DLG2: variants seen among roughly 807,000 people sequenced by gnomAD.
DLG2 encodes the protein discs large MAGUK scaffold protein 2.
Under a neutral mutation model 132.5 loss-of-function variants are expected in DLG2, and 45 were observed. The ratio of observed to expected loss-of-function variants is 0.34; its 90% CI spans 0.27 to 0.44. The LOEUF (loss-of-function observed/expected upper bound fraction) is 0.44, where lower values mean the gene tolerates loss of function less well. Among genes scored for constraint, DLG2 ranks in the 20% least tolerant of loss-of-function variants. DLG2 has a pLI of 1.00. For missense variants in DLG2, 1,045 were observed against 1,196.9 expected, an observed-to-expected ratio of 0.87 and a Z score of 1.87; for synonymous variants, 424 against 419.6, an observed-to-expected ratio of 1.01 and a Z score of -0.13.
Position 84,609,140 on chromosome 11 carries a change from G to A in DLG2, c.358-74409C>T, listed in dbSNP as rs557960164. ...TGTCTCTGGGAGGCAATGCATTGGA[G>A]TGGTTTAGAATGCTGACTCAAGAGC... On this transcript the variant is annotated intron_variant, in intron 6 of 27. Coordinates refer to ENST00000376104, the MANE Select transcript of DLG2 (RefSeq NM_001142699.3). Among the ~76,000 whole-genome samples the A allele has an allele frequency of 2.6e-5, 4 of 152,264 alleles. No individual in the cohort carries two copies. The South Asian group carries it at 8.3e-4, about 32-fold the overall frequency.
intron 18 of DLG2, chr11:83,647,485 C>T (rs906571873): frequency 6.6e-6 from 1 of 152,110 alleles, no homozygotes; most frequent in African/African-American, 2.4e-5. Flanking sequence ...AAACTTCTAA[C>T]TCATCTTTGT....
At chr11:83,978,412 G>A (rs1352622396) in intron 12 of DLG2, among the ~76,000 whole-genome samples, 2 of 151,982 alleles carry the variant, frequency 1.3e-5, no homozygotes, top group African/African-American at 4.8e-5. Flanking sequence ...GTAGAATATG[G>A]TTATCACAAT....
At chr11:84,169,339 T>C (rs1029108258) in intron 8 of DLG2, among the ~76,000 whole-genome samples, 4 of 152,200 alleles carry the variant, frequency 2.6e-5, no homozygotes, top group Non-Finnish European at 5.9e-5. Flanking sequence ...ATGATAGCTA[T>C]TATTATTAGT....
At chr11:85,231,313 T>G (rs1186267309) in intron 4 of DLG2, among the ~76,000 whole-genome samples, 2 of 151,976 alleles carry the variant, frequency 1.3e-5, no homozygotes, top group Non-Finnish European at 2.9e-5. Context: ...TGATATTTTC[T>G]TCTGCAGCAT....
At chr11:83,581,266 A>G (rs2096970378) in intron 19 of DLG2, among the ~76,000 whole-genome samples, 1 of 152,124 alleles carries the variant, frequency 6.6e-6, no homozygotes, top group Non-Finnish European at 1.5e-5. Context: ...AATCACCTGG[A>G]ATAAAATTAT....
intron 2 of DLG2, among the ~76,000 whole-genome samples, chr11:85,601,132 T>A (rs1264530206): frequency 6.6e-6 from 1 of 152,126 alleles, no homozygotes; most frequent in Non-Finnish European, 1.5e-5. Context: ...TTGATGACTG[T>A]TGAGTATTTA....
chr11:84,183,282 A>G (rs2096190658), intron 8 of DLG2, among the ~76,000 whole-genome samples: 1 of 152,214 alleles, frequency 6.6e-6, no homozygotes, highest in Admixed American at 6.5e-5. Context: ...AGTGAACTAT[A>G]CTGTTAACTA....
chr11:85,282,764 T>C (rs1317300178), intron 4 of DLG2, among the ~76,000 whole-genome samples: 2 of 151,980 alleles, frequency 1.3e-5, no homozygotes, highest in African/African-American at 4.8e-5. Context: ...TTTATGTTCT[T>C]TCGTAATGAC....
Position 83,670,398 on chromosome 11 carries a change from A to G in DLG2, c.1826-37073T>C, listed in dbSNP as rs1335234674. ...GACATACAGAAAAAAAAAACCCATC[A>G]CTGGTGACTCTATATATGGAGTCTC... On this transcript the variant is annotated intron_variant, in intron 18 of 27. Coordinates refer to ENST00000376104, the MANE Select transcript of DLG2 (RefSeq NM_001142699.3). Among the ~76,000 whole-genome samples, 10 of 151,802 alleles carry G rather than the reference A, an allele frequency of 6.6e-5. No individual in the cohort carries two copies. The East Asian group carries it at 1.5e-3, about 23-fold the overall frequency.
intron 21 of DLG2, among the ~76,000 whole-genome samples, chr11:83,520,588 C>T (rs1220672933): frequency 6.6e-6 from 1 of 151,320 alleles, no homozygotes; most frequent in Non-Finnish European, 1.5e-5. Flanking sequence ...AGTAGGTAGG[C>T]AGGTAGATAG....
chr11:84,914,806 C>G (rs1189182265), intron 6 of DLG2, among the ~76,000 whole-genome samples: 1 of 152,180 alleles, frequency 6.6e-6, no homozygotes, highest in Non-Finnish European at 1.5e-5. Flanking sequence ...CCAGTCCTTT[C>G]ACATGTAAAA....
chr11:83,603,060 GTGTA>G (rs1415341805), intron 19 of DLG2, among the ~76,000 whole-genome samples: 1 of 151,994 alleles, frequency 6.6e-6, no homozygotes, highest in Non-Finnish European at 1.5e-5. Context: ...GTGTATGTGT[GTGTA>G]TGTGTGTTCG....
chr11:83,825,821 C>T (rs2052583688), intron 17 of DLG2, among the ~76,000 whole-genome samples: 1 of 152,136 alleles, frequency 6.6e-6, no homozygotes, highest in African/African-American at 2.4e-5. Context: ...CTCTGGCTCC[C>T]TAGAAGTCCC....
At position 84,059,427 on chromosome 11, in the gene DLG2, A is replaced by G. The variant is rs2096555966; in HGVS notation, c.807T>C (p.Ser269=). The G allele has an allele frequency of 1.9e-6, 3 of 1,613,138 alleles. No homozygotes were observed. Among genetic ancestry groups the G allele is most frequent in the African/African-American group, 2.7e-5 (2 of 74,836 alleles). Residue 269 remains serine (S), a synonymous_variant, in exon 11 of 28, where the codon AGT becomes AGC. Transcript: ENST00000376104. The part of the protein sequence containing the change: ...NEVDVSEVSH[S]KAVEALKEAG... Reference sequence around the variant, plus strand: ...CTTCCTTCAGGGCTTCCACCGCTTTACTGTGGGAAACCTCTGACACATCAA... The same window carrying G: ...CTTCCTTCAGGGCTTCCACCGCTTTGCTGTGGGAAACCTCTGACACATCAA...
At chr11:83,924,320 G>A (rs1380932520) in intron 15 of DLG2, among the ~76,000 whole-genome samples, 3 of 152,178 alleles carry the variant, frequency 2.0e-5, no homozygotes, top group South Asian at 4.1e-4. Context: ...AAGAAAGCTT[G>A]CCAAAGATAA....
At chr11:84,828,754 C>T (rs1440574354) in intron 6 of DLG2, among the ~76,000 whole-genome samples, 1 of 151,762 alleles carries the variant, frequency 6.6e-6, no homozygotes, top group Non-Finnish European at 1.5e-5. Context: ...TAGCCCAGTA[C>T]ATAATCTCAG....
rs377446543 is a variant in DLG2 at position 84,797,215 on chromosome 11, G to C, written c.358-262484C>G. 2.6e-5 allele frequency among the ~76,000 whole-genome samples: 4 copies of C among 151,944 alleles called. No individual in the cohort carries two copies. The East Asian group carries it at 5.8e-4, about 22-fold the overall frequency. On this transcript the variant is annotated intron_variant, in intron 6 of 27. Transcript: ENST00000376104. ...AAATGTCTTGAGGTAGTCTTCTTTG[G>C]GTTAAATCTGCTTGGTATTCTGTAA...
At chr11:84,744,415 T>C (rs938480906) in intron 6 of DLG2, among the ~76,000 whole-genome samples, 2 of 152,168 alleles carry the variant, frequency 1.3e-5, no homozygotes, top group African/African-American at 4.8e-5. Context: ...GTGGCAAATT[T>C]CTGCATGAAA....
At chr11:84,966,225 T>C (rs1190129858) in intron 6 of DLG2, among the ~76,000 whole-genome samples, 1 of 152,112 alleles carries the variant, frequency 6.6e-6, no homozygotes, top group African/African-American at 2.4e-5. Context: ...TATCTGTCTG[T>C]CTGTTTGTAT....
Sources: allele counts gnomAD v4.1 joint callset (sites outside exome capture counted in the v4.1 genomes callset), GRCh38; gene constraint gnomAD v4.1.1; transcripts MANE v1.5; gene names NCBI Gene and HGNC (gene_info 2026-07-23, HGNC 2026-07-21).